The following TAFA4 variants were observed in gnomAD, a reference collection of about 807,000 sequenced individuals.
The protein encoded by TAFA4 is chemokine-like protein TAFA-4.
In TAFA4, 20 loss-of-function variants were observed where a neutral mutation model predicts 21.1. That is an observed-to-expected ratio of 0.95 (90% confidence interval 0.67 to 1.38). The LOEUF (loss-of-function observed/expected upper bound fraction) is 1.38. Ranked by LOEUF, TAFA4 falls within the 40% of genes most tolerant of loss-of-function variation. The pLI is 0.00. For missense variants in TAFA4, 211 were observed against 180.9 expected, an observed-to-expected ratio of 1.17 and a Z score of -0.95; for synonymous variants, 71 against 67.4, an observed-to-expected ratio of 1.05 and a Z score of -0.26.
intron 3 of TAFA4, among the ~76,000 whole-genome samples, chr3:68,789,009 G>A (rs1703313988): frequency 6.6e-6 from 1 of 152,092 alleles, no homozygotes; most frequent in South Asian, 2.1e-4. Flanking sequence ...TGAGGTGGGT[G>A]GATCACGAGG....
chr3:68,871,102 TTGG>T (rs2089476961), intron 3 of TAFA4, among the ~76,000 whole-genome samples: 1 of 152,102 alleles, frequency 6.6e-6, no homozygotes, highest in South Asian at 2.1e-4. Flanking sequence ...TTTTACACTG[TTGG>T]TGGGAGTGTA....
chr3:68,784,348 T>TA (rs1205308132), intron 3 of TAFA4, among the ~76,000 whole-genome samples: 2 of 152,232 alleles, frequency 1.3e-5, no homozygotes, highest in African/African-American at 4.8e-5. Context: ...CGGTGAGTGT[T>TA]ACAGCTCTTA....
intron 3 of TAFA4, among the ~76,000 whole-genome samples, chr3:68,845,648 G>T (rs940309886): frequency 6.6e-6 from 1 of 152,154 alleles, no homozygotes; most frequent in African/African-American, 2.4e-5. Context: ...TTTATGCAGC[G>T]GCTGGTACCA....
At chr3:68,847,782 C>A (rs554101029) in intron 3 of TAFA4, among the ~76,000 whole-genome samples, 3 of 152,284 alleles carry the variant, frequency 2.0e-5, no homozygotes, top group East Asian at 3.9e-4. Flanking sequence ...GGTGTGAAAC[C>A]ACTTGGTCAT....
At position 68,732,777 on chromosome 3, in the gene TAFA4, T is replaced by G. The variant is rs1368014257; in HGVS notation, c.*365A>C. On this transcript the variant is annotated 3_prime_UTR_variant, in exon 6 of 6. Transcript: ENST00000295569. Reference sequence around the variant, plus strand: ...CAAAAGAGGAACAGAATGAGGACCCTTTGGAACATACATCCAAGTTCTTTT... The same window carrying G: ...CAAAAGAGGAACAGAATGAGGACCCGTTGGAACATACATCCAAGTTCTTTT... 8.8e-6 allele frequency: 2 copies of G among 226,772 alleles called. No homozygotes were observed. Among genetic ancestry groups the G allele is most frequent in the Admixed American group, 5.5e-5 (1 of 18,306 alleles). The allele number at this position is 226,772 out of a possible 1,614,324, so 14.0% of individuals were successfully genotyped here.
chr3:68,902,516 T>C (rs1391589654), intron 1 of TAFA4, among the ~76,000 whole-genome samples: 1 of 152,018 alleles, frequency 6.6e-6, no homozygotes, highest in African/African-American at 2.4e-5. Flanking sequence ...TACAGGCACA[T>C]GCTAGCATGC....
intron 3 of TAFA4, among the ~76,000 whole-genome samples, chr3:68,842,006 T>C (rs1411094367): frequency 6.6e-6 from 1 of 152,196 alleles, no homozygotes; most frequent in African/African-American, 2.4e-5. Context: ...ACAAGAAACA[T>C]ACGTGTGCAT....
At chr3:68,804,378 G>C (rs143064570) in intron 3 of TAFA4, among the ~76,000 whole-genome samples, 2,146 of 152,226 alleles carry the variant, frequency 0.014, 44 homozygotes, top group African/African-American at 0.049. Context: ...TACTGCCCAA[G>C]GTAATTTATA....
chr3:68,829,607 T>C (rs1389005116), intron 3 of TAFA4, among the ~76,000 whole-genome samples: 1 of 152,208 alleles, frequency 6.6e-6, no homozygotes, highest in East Asian at 1.9e-4. Context: ...TTATGGCGGA[T>C]TTTCGCATCG....
At chr3:68,859,576 T>C (rs991804147) in intron 3 of TAFA4, among the ~76,000 whole-genome samples, 3 of 152,172 alleles carry the variant, frequency 2.0e-5, no homozygotes, top group African/African-American at 7.2e-5. Context: ...ATTTCGAGAA[T>C]GCCATTTCTC....
At chr3:68,807,352 G>A (rs1429877426) in intron 3 of TAFA4, among the ~76,000 whole-genome samples, 1 of 152,180 alleles carries the variant, frequency 6.6e-6, no homozygotes, top group Non-Finnish European at 1.5e-5. Context: ...CCTTGTTAAG[G>A]CATAGGCAAG....
intron 4 of TAFA4, among the ~76,000 whole-genome samples, chr3:68,748,100 C>T (rs1702492341): frequency 6.6e-6 from 1 of 152,214 alleles, no homozygotes; most frequent in African/African-American, 2.4e-5. Context: ...AACTTTGTTT[C>T]TCTGAACTAG....
intron 3 of TAFA4, among the ~76,000 whole-genome samples, chr3:68,860,576 T>A (rs2089323445): frequency 6.6e-6 from 1 of 152,202 alleles, no homozygotes; most frequent in Middle Eastern, 3.4e-3. Context: ...GAAAACTGAA[T>A]CCCTTCTATA....
intron 3 of TAFA4, among the ~76,000 whole-genome samples, chr3:68,821,027 G>C (rs1041414542): frequency 6.6e-6 from 1 of 152,212 alleles, no homozygotes; most frequent in Admixed American, 6.5e-5. Flanking sequence ...GGACTTAGTA[G>C]TATGGAAATG....
At chr3:68,738,302 T>A (rs1482748410) in intron 5 of TAFA4, among the ~76,000 whole-genome samples, 1 of 152,102 alleles carries the variant, frequency 6.6e-6, no homozygotes, top group Admixed American at 6.6e-5. Flanking sequence ...ATGTTACACA[T>A]TAAGGACCAG....
intron 3 of TAFA4, 133 bp downstream of exon 3, chr3:68,880,597 A>G: frequency 3.0e-6 from 2 of 674,390 alleles, no homozygotes; most frequent in South Asian, 4.1e-5. Context: ...TTACTCCGCC[A>G]TATTTCATGC....
chr3:68,783,721 G>GAAAGAAAGAAAA (rs1703196070), intron 3 of TAFA4, among the ~76,000 whole-genome samples: 1 of 134,048 alleles, frequency 7.5e-6, no homozygotes, highest in Non-Finnish European at 1.6e-5. Flanking sequence ...GAAAAAGAAA[G>GAAAGAAAGAAAA]AAAGAAAGAA....
At chr3:68,894,070 A>T (rs2089759586) in intron 1 of TAFA4, among the ~76,000 whole-genome samples, 1 of 152,198 alleles carries the variant, frequency 6.6e-6, no homozygotes. Context: ...TTCTAAATAA[A>T]ATGGTAATTA....
At position 68,792,095 on chromosome 3, in the gene TAFA4, A is replaced by C. The variant is rs80125003; in HGVS notation, c.131-39077T>G. 8.7e-4 allele frequency among the ~76,000 whole-genome samples: 133 copies of C among 152,336 alleles called. 2 individuals are homozygous for C. The East Asian group carries it at 0.024, about 28-fold the overall frequency. On this transcript the variant is annotated intron_variant, in intron 3 of 5. Coordinates refer to ENST00000295569, the MANE Select transcript of TAFA4 (RefSeq NM_182522.5). Reference sequence around the variant, plus strand: ...TTTTTCTCAAATTATTAAACAATCTAATTGTTCTTAGAAACATGCCATCAA... The same window carrying C: ...TTTTTCTCAAATTATTAAACAATCTCATTGTTCTTAGAAACATGCCATCAA...
Sources: gnomAD v4.1 joint callset for allele counts (sites outside exome capture counted in the v4.1 genomes callset) on GRCh38, gnomAD v4.1.1 for gene constraint, MANE v1.5 for transcripts, NCBI Gene and HGNC (gene_info 2026-07-23, HGNC 2026-07-21) for gene names.